Variants in NBEA observed in about 807,000 individuals in gnomAD.
The protein encoded by NBEA is neurobeachin.
A neutral mutation model predicts 343.4 loss-of-function variants in NBEA; 44 were observed. That is an observed-to-expected ratio of 0.13 (90% CI 0.10 to 0.16). NBEA has a LOEUF of 0.16. Ranked by LOEUF, NBEA falls within the 10% of genes least tolerant of loss-of-function variation. NBEA has a pLI of 1.00. For synonymous variants in NBEA, 1,175 were observed against 1,238.7 expected (o/e 0.95, Z 1.08); for missense variants, 2,555 against 3,631.3 (o/e 0.70, Z 7.62).
intron 1 of NBEA, among the ~76,000 whole-genome samples, chr13:34,968,180 C>T (rs1371712790): frequency 6.6e-6 from 1 of 152,116 alleles, no homozygotes; most frequent in East Asian, 1.9e-4. Context: ...ATAGAGCTTC[C>T]ATGCCCTTAC....
At chr13:35,103,886 TATC>T (rs1186499084) in intron 11 of NBEA, among the ~76,000 whole-genome samples, 1 of 151,878 alleles carries the variant, frequency 6.6e-6, no homozygotes, top group Non-Finnish European at 1.5e-5. Flanking sequence ...TGTCAGTTGA[TATC>T]ATCTTAGTTC....
chr13:35,090,217 A>G (rs2065012537), intron 10 of NBEA, among the ~76,000 whole-genome samples: 1 of 151,870 alleles, frequency 6.6e-6, no homozygotes, highest in Non-Finnish European at 1.5e-5. Context: ...CAGCAATCTA[A>G]GGTATTGGGT....
chr13:35,505,657 A>T (rs1594829419), intron 41 of NBEA, among the ~76,000 whole-genome samples: 2 of 152,200 alleles, frequency 1.3e-5, no homozygotes, highest in African/African-American at 4.8e-5. Context: ...GAAATAGGTT[A>T]AAAATGCATT....
intron 11 of NBEA, among the ~76,000 whole-genome samples, chr13:35,103,655 A>T (rs553800923): frequency 1.3e-5 from 2 of 151,798 alleles, no homozygotes. Flanking sequence ...TCTTGACTAA[A>T]TTATCCAAAC....
chr13:35,398,280 G>T (rs12868883), intron 38 of NBEA, among the ~76,000 whole-genome samples: 1 of 152,060 alleles, frequency 6.6e-6, no homozygotes. Context: ...ATTCCTGAAA[G>T]TCATCCATGA....
intron 41 of NBEA, among the ~76,000 whole-genome samples, chr13:35,506,877 A>C (rs935266671): frequency 2.0e-5 from 3 of 152,130 alleles, no homozygotes; most frequent in Non-Finnish European, 4.4e-5. Context: ...CTAATTCTAC[A>C]TTATAGGACT....
intron 43 of NBEA, among the ~76,000 whole-genome samples, chr13:35,551,440 A>C (rs975284): frequency 0.15 from 22,353 of 152,062 alleles, 1,939 homozygotes; most frequent in East Asian, 0.35. Flanking sequence ...TAAAACCCTG[A>C]GAGTTTATTA....
chr13:35,195,233 C>T (rs1296100151), intron 30 of NBEA, among the ~76,000 whole-genome samples: 1 of 152,030 alleles, frequency 6.6e-6, no homozygotes, highest in Non-Finnish European at 1.5e-5. Flanking sequence ...AGGGGAACAT[C>T]ATATAATTAT....
chr13:35,429,035 T>A (rs2152928974), intron 38 of NBEA, among the ~76,000 whole-genome samples: 1 of 152,286 alleles, frequency 6.6e-6, no homozygotes, highest in Non-Finnish European at 1.5e-5. Context: ...CTGGCCTCAT[T>A]GCTGTTTGTC....
chr13:35,406,894 C>G (rs1226279776), intron 38 of NBEA, among the ~76,000 whole-genome samples: 1 of 151,264 alleles, frequency 6.6e-6, no homozygotes. Flanking sequence ...AATACTTGCT[C>G]TTATGTCTTA....
At chr13:35,527,018 T>A (rs1462458072) in intron 41 of NBEA, among the ~76,000 whole-genome samples, 1 of 151,914 alleles carries the variant, frequency 6.6e-6, no homozygotes, top group East Asian at 1.9e-4. Context: ...GCCCCAGCTC[T>A]TCTCTTCCTC....
chr13:35,368,486 C>T (rs976839490), intron 38 of NBEA, among the ~76,000 whole-genome samples: 1 of 151,636 alleles, frequency 6.6e-6, no homozygotes, highest in Non-Finnish European at 1.5e-5. Context: ...TATTCTGTCC[C>T]ACTTGAGATC....
chr13:35,626,898 T>C (rs1287491315), intron 48 of NBEA, among the ~76,000 whole-genome samples: 1 of 152,182 alleles, frequency 6.6e-6, no homozygotes, highest in Non-Finnish European at 1.5e-5. Context: ...ATTGTTTACA[T>C]TGCTGAATGA....
At chr13:35,423,765 G>C (rs9544305) in intron 38 of NBEA, among the ~76,000 whole-genome samples, 2 of 151,704 alleles carry the variant, frequency 1.3e-5, no homozygotes, top group Admixed American at 6.6e-5. Context: ...CACGATATTG[G>C]TTCTTCCTAC....
chr13:35,512,000 T>G (rs180850603), intron 41 of NBEA, among the ~76,000 whole-genome samples: 1 of 152,332 alleles, frequency 6.6e-6, no homozygotes, highest in East Asian at 1.9e-4. Context: ...CTTTGTTTGC[T>G]TAAAGTATGT....
intron 48 of NBEA, among the ~76,000 whole-genome samples, chr13:35,627,161 TTCACA>T (rs758792698): frequency 6.6e-6 from 1 of 152,356 alleles, no homozygotes; most frequent in East Asian, 1.9e-4. Flanking sequence ...AATGACTTTG[TTCACA>T]TATTTAGTGA....
intron 55 of NBEA, among the ~76,000 whole-genome samples, chr13:35,658,422 A>G (rs573599973): frequency 6.6e-6 from 1 of 152,210 alleles, no homozygotes. Context: ...AATAAACAAG[A>G]TAAGCACCTA....
chr13:35,406,586 A>G (rs1452239021), intron 38 of NBEA, among the ~76,000 whole-genome samples: 1 of 152,176 alleles, frequency 6.6e-6, no homozygotes. Flanking sequence ...TACTTCACTT[A>G]GAATAATGGT....
chr13:35,274,512 A>G (rs1469907570), intron 34 of NBEA, among the ~76,000 whole-genome samples: 3 of 152,226 alleles, frequency 2.0e-5, no homozygotes, highest in African/African-American at 2.4e-5. Flanking sequence ...AGTTCTGGCC[A>G]GGGCAATCAG....
Sources: allele counts gnomAD v4.1 joint callset (sites outside exome capture counted in the v4.1 genomes callset), GRCh38; gene constraint gnomAD v4.1.1; transcripts MANE v1.5; gene names NCBI Gene and HGNC (gene_info 2026-07-23, HGNC 2026-07-21).